KCNQ1: variants seen among roughly 807,000 people sequenced by gnomAD.
The protein encoded by KCNQ1 is potassium voltage-gated channel subfamily Q member 1.
KCNQ1 carries 49 observed loss-of-function variants against 72.4 expected under a neutral mutation model. The observed-to-expected ratio is 0.68, with a 90% CI of 0.54 to 0.86. The LOEUF (loss-of-function observed/expected upper bound fraction) is 0.86. KCNQ1 is among the 40% of genes least tolerant of loss of function. The pLI is 0.00. For missense variants in KCNQ1, 790 were observed against 945.1 expected, an observed-to-expected ratio of 0.84 and a Z score of 2.15; for synonymous variants, 450 against 412.6, an observed-to-expected ratio of 1.09 and a Z score of -1.10.
At chr11:2,573,467 C>T (rs577195103) in intron 6 of KCNQ1, among the ~76,000 whole-genome samples, 2 of 152,350 alleles carry the variant, frequency 1.3e-5, no homozygotes, top group Middle Eastern at 3.4e-3. Context: ...AGACAGCAAA[C>T]AGGAAAGACC....
chr11:2,643,860 T>G (rs113823693), intron 10 of KCNQ1: 4 of 398,594 alleles, frequency 1.0e-5, no homozygotes, highest in African/African-American at 4.1e-5. Context: ...ATAACTTTGC[T>G]AAGTACAGTA....
chr11:2,638,432 G>A (rs1304873245), intron 10 of KCNQ1: 1 of 152,148 alleles, frequency 6.6e-6, no homozygotes, highest in Admixed American at 6.5e-5. Context: ...CTTCACTTAT[G>A]AAGCTTAGTT....
intron 15 of KCNQ1, among the ~76,000 whole-genome samples, chr11:2,786,272 C>T (rs867947529): frequency 2.0e-5 from 3 of 152,092 alleles, no homozygotes; most frequent in Admixed American, 6.5e-5. Context: ...TTGAACTATC[C>T]TTTGGCTTCC....
At chr11:2,833,374 G>T (rs1232809963) in intron 15 of KCNQ1, among the ~76,000 whole-genome samples, 1 of 152,142 alleles carries the variant, frequency 6.6e-6, no homozygotes, top group Non-Finnish European at 1.5e-5. Flanking sequence ...CCCTCTCCAA[G>T]CTTCTCCCCT....
At chr11:2,838,176 A>G (rs114738214) in intron 15 of KCNQ1, among the ~76,000 whole-genome samples, 1 of 152,254 alleles carries the variant, frequency 6.6e-6, no homozygotes, top group Non-Finnish European at 1.5e-5. Flanking sequence ...GGGACCAGGC[A>G]GACAGAGGTG....
At position 2,676,234 on chromosome 11, in the gene KCNQ1, T is replaced by C. The variant is rs937188242; in HGVS notation, c.1514+14153T>C. ...CTGTACATACAATGCTGATTTATTATGGTGCAGTACATCTGAGAAGCATTT... is the reference window on the plus strand; with the variant it reads ...CTGTACATACAATGCTGATTTATTACGGTGCAGTACATCTGAGAAGCATTT... On this transcript the variant is annotated intron_variant, in intron 11 of 15. Coordinates refer to ENST00000155840, the MANE Select transcript of KCNQ1 (RefSeq NM_000218.3). This position sits in a 1 kb window ranked among gnomAD's most constrained non-coding sequence, Gnocchi z 4.2. The C allele has an allele frequency of 2.5e-6, 1 of 398,562 alleles. No individual in the cohort carries two copies. The highest frequency in any genetic ancestry group is 2.1e-5 in the African/African-American group (1 of 48,650). 24.7% of individuals were successfully genotyped at this position (398,562 alleles called of 1,614,324 possible).
rs557458506 is a variant in KCNQ1 at position 2,509,606 on chromosome 11, G to C, written c.387-18322G>C. 6.6e-6 allele frequency among the ~76,000 whole-genome samples: 1 copy of C among 152,182 alleles called. No individual in the cohort carries two copies. The highest frequency in any genetic ancestry group is 2.4e-5 in the African/African-American group (1 of 41,448). On this transcript the variant is annotated intron_variant, in intron 1 of 15. Coordinates refer to ENST00000155840, the MANE Select transcript of KCNQ1 (RefSeq NM_000218.3). This position sits in a 1 kb window ranked among gnomAD's most constrained non-coding sequence, Gnocchi z 6.3. ...GGGTGTGAGGGCAGTAGTGCAGGTC[G>C]TGGTCCCAGATGGCCACGGAGGTGT...
chr11:2,791,924 G>A (rs1448440480), intron 15 of KCNQ1, among the ~76,000 whole-genome samples: 1 of 152,254 alleles, frequency 6.6e-6, no homozygotes, highest in Non-Finnish European at 1.5e-5. Context: ...CGGAGCCGGT[G>A]TTTACTTTGC....
At chr11:2,717,049 T>C (rs1386511986) in intron 11 of KCNQ1, among the ~76,000 whole-genome samples, 1 of 152,200 alleles carries the variant, frequency 6.6e-6, no homozygotes, top group Admixed American at 6.5e-5. Flanking sequence ...CCCCCAGATG[T>C]CCTGCCCTCT....
At position 2,772,402 on chromosome 11, in the gene KCNQ1, C is replaced by G. The variant is rs1590079085; in HGVS notation, c.1590+3483C>G. 6.6e-6 allele frequency among the ~76,000 whole-genome samples: 1 copy of G among 152,114 alleles called. No homozygotes were observed. Among genetic ancestry groups the G allele is most frequent in the Non-Finnish European group, 1.5e-5 (1 of 68,016 alleles). On this transcript the variant is annotated intron_variant, in intron 12 of 15. Transcript: ENST00000155840. This position sits in a 1 kb window ranked among gnomAD's most constrained non-coding sequence, Gnocchi z 6.6. ...AACTCCCTGTCCACCATCAGTCAGT[C>G]TGGACAGGCCTGCATTATCTCGGCT...
chr11:2,630,112 TA>T (rs1849329163), intron 10 of KCNQ1: 1 of 398,240 alleles, frequency 2.5e-6, no homozygotes, highest in Non-Finnish European at 4.4e-6. Flanking sequence ...AATTTGTTCA[TA>T]GTTTTTATCA....
intron 6 of KCNQ1, among the ~76,000 whole-genome samples, chr11:2,577,102 A>G (rs1848433864): frequency 6.6e-6 from 1 of 152,210 alleles, no homozygotes; most frequent in African/African-American, 2.4e-5. Flanking sequence ...TCTGCTGCGG[A>G]GACTTTCCCT....
Position 2,676,197 on chromosome 11 carries a change from C to G in KCNQ1, c.1514+14116C>G, listed in dbSNP as rs2133874712. 2.5e-6 allele frequency: 1 copy of G among 398,664 alleles called. No individual in the cohort carries two copies. Among genetic ancestry groups the G allele is most frequent in the East Asian group, 3.6e-5 (1 of 28,084 alleles). The allele number at this position is 398,664 out of a possible 1,614,324, so 24.7% of individuals were successfully genotyped here. A position where few individuals can be genotyped will look rare whatever the true frequency, so the allele number is the denominator to read the frequency against. On this transcript the variant is annotated intron_variant, in intron 11 of 15. Transcript: ENST00000155840. The surrounding 1 kb of genome is among the most constrained non-coding windows in gnomAD (Gnocchi z 4.2). ...TGACTTCTTCCATAGGTATGCCATA[C>G]TTCTTTTTGAGCTGTACATACAATG...
intron 15 of KCNQ1, among the ~76,000 whole-genome samples, chr11:2,802,310 G>T (rs1231980820): frequency 6.6e-6 from 1 of 152,224 alleles, no homozygotes; most frequent in Non-Finnish European, 1.5e-5. Flanking sequence ...CTCCGGCCCT[G>T]TCGCCAGCCG....
chr11:2,770,087 C>T (rs80075326), intron 12 of KCNQ1, among the ~76,000 whole-genome samples: 2,550 of 152,252 alleles, frequency 0.017, 115 homozygotes, highest in East Asian at 0.14. Flanking sequence ...CCCATCCAGA[C>T]GGACTGACAG....
chr11:2,478,547 G>T lies in KCNQ1; in HGVS notation c.386+33063G>T, dbSNP rs1051406821. Among the ~76,000 whole-genome samples, 11 of 152,088 alleles carry T rather than the reference G, an allele frequency of 7.2e-5. No homozygotes were observed. The highest frequency in any genetic ancestry group is 2.7e-4 in the African/African-American group (11 of 41,406). ...TCCCCTTATAAAACCATCAGATCTC[G>T]TGAGACTTATTCATTACCATGAGAA... On this transcript the variant is annotated intron_variant, in intron 1 of 15. Coordinates refer to ENST00000155840, the MANE Select transcript of KCNQ1 (RefSeq NM_000218.3). This position sits in a 1 kb window ranked among gnomAD's most constrained non-coding sequence, Gnocchi z 4.0.
rs1013216396 is a variant in KCNQ1, at chr11:2,818,580, C to T, written c.1795-29187C>T. 2.0e-5 allele frequency among the ~76,000 whole-genome samples: 3 copies of T among 152,200 alleles called. No individual in the cohort carries two copies. The highest frequency in any genetic ancestry group is 2.9e-5 in the Non-Finnish European group (2 of 68,038). ...ATGCCTTACACCCCCCATCCCCACA[C>T]GCACACAGCTTGGAGGCTGGAAGCC... On this transcript the variant is annotated intron_variant, in intron 15 of 15. Coordinates refer to ENST00000155840, the MANE Select transcript of KCNQ1 (RefSeq NM_000218.3). This position sits in a 1 kb window ranked among gnomAD's most constrained non-coding sequence, Gnocchi z 7.2.
intron 11 of KCNQ1, among the ~76,000 whole-genome samples, chr11:2,729,353 G>A (rs1043922685): frequency 6.6e-6 from 1 of 152,240 alleles, no homozygotes. Flanking sequence ...AGCACTGCCA[G>A]GTGGATTAAA....
chr11:2,567,059 G>A lies in KCNQ1; in HGVS notation c.478-3569G>A, dbSNP rs1053743053. On this transcript the variant is annotated intron_variant, in intron 2 of 15. Coordinates refer to ENST00000155840, the MANE Select transcript of KCNQ1 (RefSeq NM_000218.3). The surrounding 1 kb of genome is among the most constrained non-coding windows in gnomAD (Gnocchi z 6.6). The stretch of plus-strand genomic sequence containing the variant: ...GCCCCAGGGAATGGGGGGCACCTGG[G>A]GCCCACGGGAGGCTCTGGGGGAGAC... 1.3e-5 allele frequency among the ~76,000 whole-genome samples: 2 copies of A among 151,926 alleles called. No homozygotes were observed. Among genetic ancestry groups the A allele is most frequent in the Non-Finnish European group, 2.9e-5 (2 of 67,928 alleles).
Sources: gnomAD v4.1 joint callset for allele counts (sites outside exome capture counted in the v4.1 genomes callset) on GRCh38, gnomAD v4.1.1 for gene constraint, Gnocchi (gnomAD v3.1) non-coding constraint, MANE v1.5 for transcripts, NCBI Gene and HGNC (gene_info 2026-07-23, HGNC 2026-07-21) for gene names.